Variants in ARHGAP26 observed in about 807,000 individuals in gnomAD.
ARHGAP26 encodes Rho GTPase activating protein 26.
A neutral mutation model predicts 104.8 loss-of-function variants in ARHGAP26; 38 were observed. That is an observed-to-expected ratio of 0.36 (90% CI 0.28 to 0.48). The LOEUF (loss-of-function observed/expected upper bound fraction) is 0.48. Ranked by LOEUF, ARHGAP26 falls within the 20% of genes least tolerant of loss-of-function variation. ARHGAP26 has a pLI of 0.99. For synonymous variants in ARHGAP26, 341 were observed against 340.0 expected, an observed-to-expected ratio of 1.00 and a Z score of -0.03; for missense variants, 704 against 947.9, an observed-to-expected ratio of 0.74 and a Z score of 3.38.
intron 1 of ARHGAP26, among the ~76,000 whole-genome samples, chr5:142,847,137 A>G (rs576978274): frequency 6.6e-6 from 1 of 152,272 alleles, no homozygotes; most frequent in South Asian, 2.1e-4. Context: ...TGAAACGGGG[A>G]TAACAGTGCC....
Position 142,963,188 on chromosome 5 carries a change from A to ATATG in ARHGAP26, c.1107+31066_1107+31067insGTAT, listed in dbSNP as rs1554172220. Among the ~76,000 whole-genome samples, 49 of 109,786 alleles carry ATATG rather than the reference A, an allele frequency of 4.5e-4. 2 individuals are homozygous for ATATG. Among genetic ancestry groups the ATATG allele is most frequent in the African/African-American group, 2.4e-3 (46 of 19,546 alleles). 72.0% of individuals were successfully genotyped at this position (109,786 alleles called of 152,430 possible). A position where few individuals can be genotyped will look rare whatever the true frequency, so the allele number is the denominator to read the frequency against. On this transcript the variant is annotated intron_variant, in intron 11 of 22. Coordinates refer to ENST00000645722, the MANE Select transcript of ARHGAP26 (RefSeq NM_001135608.3). ...GGTATATATGTATATATATATATATATATATATATATGTGTGTGTGTGTGT... is the reference window on the plus strand; with the variant it reads ...GGTATATATGTATATATATATATATATATGTATATATATATGTGTGTGTGTGTGT...
At chr5:143,218,477 T>TGGGGACA (rs1810670694) in intron 22 of ARHGAP26, among the ~76,000 whole-genome samples, 1 of 152,230 alleles carries the variant, frequency 6.6e-6, no homozygotes. Context: ...GCACCTCTTT[T>TGGGGACA]AGTTAAGACT....
chr5:143,197,268 T>C (rs72800001), intron 20 of ARHGAP26, among the ~76,000 whole-genome samples: 18,460 of 152,240 alleles, frequency 0.12, 1,410 homozygotes, highest in Non-Finnish European at 0.16. Flanking sequence ...GAATGGTATC[T>C]TCACCTTTGC....
intron 11 of ARHGAP26, among the ~76,000 whole-genome samples, chr5:142,994,746 T>G (rs1471252492): frequency 6.6e-6 from 1 of 152,238 alleles, no homozygotes; most frequent in Non-Finnish European, 1.5e-5. Flanking sequence ...TATTGGCTGC[T>G]GTTTACTGAG....
chr5:143,058,171 G>A (rs1786138616), intron 17 of ARHGAP26: 1 of 424,662 alleles, frequency 2.4e-6, no homozygotes, highest in African/African-American at 2.0e-5. Context: ...AGCTGACTCT[G>A]TTATTAACCT....
chr5:143,218,567 A>G (rs1304871681), intron 22 of ARHGAP26, among the ~76,000 whole-genome samples: 1 of 152,212 alleles, frequency 6.6e-6, no homozygotes, highest in Non-Finnish European at 1.5e-5. Flanking sequence ...AGGGCAGAAG[A>G]CATGAGTTGT....
intron 1 of ARHGAP26, among the ~76,000 whole-genome samples, chr5:142,872,205 A>G (rs1755420303): frequency 6.6e-6 from 1 of 152,072 alleles, no homozygotes; most frequent in Admixed American, 6.5e-5. Flanking sequence ...ACAAACCAAA[A>G]CAAACAGAAA....
intron 14 of ARHGAP26, among the ~76,000 whole-genome samples, chr5:143,051,966 A>G (rs1785103156): frequency 6.6e-6 from 1 of 152,200 alleles, no homozygotes; most frequent in Admixed American, 6.5e-5. Flanking sequence ...CACGTGTCTT[A>G]GGATGGGGAG....
At chr5:142,864,118 C>G (rs1414789691) in intron 1 of ARHGAP26, among the ~76,000 whole-genome samples, 2 of 152,112 alleles carry the variant, frequency 1.3e-5, no homozygotes, top group African/African-American at 4.8e-5. Flanking sequence ...ATTCACCACC[C>G]CCTCCCCTTT....
chr5:142,898,123 A>G (rs1232994135), intron 6 of ARHGAP26, among the ~76,000 whole-genome samples: 1 of 152,066 alleles, frequency 6.6e-6, no homozygotes, highest in Non-Finnish European at 1.5e-5. Context: ...TCTGGGATCT[A>G]AATCAGATCT....
intron 5 of ARHGAP26, among the ~76,000 whole-genome samples, chr5:142,889,489 G>A (rs558878487): frequency 5.9e-5 from 9 of 152,066 alleles, no homozygotes; most frequent in Admixed American, 1.3e-4. Flanking sequence ...GTGGTGGCAC[G>A]CGCCTGTAAT....
intron 20 of ARHGAP26, among the ~76,000 whole-genome samples, chr5:143,152,343 T>A (rs957889305): frequency 3.3e-5 from 5 of 152,186 alleles, no homozygotes; most frequent in African/African-American, 1.2e-4. Flanking sequence ...AGGGTATGTG[T>A]AAAACTTTCA....
intron 17 of ARHGAP26, among the ~76,000 whole-genome samples, chr5:143,107,059 A>G (rs554733038): frequency 6.6e-6 from 1 of 152,060 alleles, no homozygotes; most frequent in African/African-American, 2.4e-5. Context: ...TCTGTGTGTT[A>G]TTTGCCGTCG....
chr5:143,027,227 A>G (rs1781184885), intron 12 of ARHGAP26, among the ~76,000 whole-genome samples: 1 of 150,874 alleles, frequency 6.6e-6, no homozygotes, highest in Non-Finnish European at 1.5e-5. Context: ...GCTAGAATGC[A>G]GTGGTACAAT....
chr5:143,190,727 C>G lies in ARHGAP26; in HGVS notation c.1989-16471C>G, dbSNP rs182607866. Among the ~76,000 whole-genome samples the G allele has an allele frequency of 4.6e-3, 702 of 152,250 alleles. 5 individuals carry two copies. Among genetic ancestry groups the G allele is most frequent in the African/African-American group, 0.016 (669 of 41,548 alleles). On this transcript the variant is annotated intron_variant, in intron 20 of 22. Transcript: ENST00000645722. ...AGACACCACTGAAAAAATGAGAGGACAAGCCACACACTGGGAAAATATATT... is the reference window on the plus strand; with the variant it reads ...AGACACCACTGAAAAAATGAGAGGAGAAGCCACACACTGGGAAAATATATT...
intron 1 of ARHGAP26, among the ~76,000 whole-genome samples, chr5:142,814,812 C>A (rs1764776686): frequency 6.6e-6 from 1 of 152,160 alleles, no homozygotes; most frequent in African/African-American, 2.4e-5. Context: ...TTGGTACTTA[C>A]CACACTGGTT....
At chr5:143,110,183 C>G (rs184231997) in intron 17 of ARHGAP26, among the ~76,000 whole-genome samples, 9 of 152,356 alleles carry the variant, frequency 5.9e-5, no homozygotes, top group Admixed American at 5.9e-4. Flanking sequence ...CCATCCCTTT[C>G]ATGCTGGCTG....
At chr5:143,026,934 G>T (rs1183767097) in intron 12 of ARHGAP26, among the ~76,000 whole-genome samples, 1 of 152,054 alleles carries the variant, frequency 6.6e-6, no homozygotes, top group Non-Finnish European at 1.5e-5. Flanking sequence ...TTCTGGATAC[G>T]GTTTTAAGTT....
At chr5:142,866,247 A>G (rs559056594) in intron 1 of ARHGAP26, among the ~76,000 whole-genome samples, 8 of 152,314 alleles carry the variant, frequency 5.3e-5, no homozygotes, top group African/African-American at 1.7e-4. Context: ...CTTTGAATAC[A>G]TTGATACCAG....
Sources: gnomAD v4.1 joint callset for allele counts (sites outside exome capture counted in the v4.1 genomes callset) on GRCh38, gnomAD v4.1.1 for gene constraint, MANE v1.5 for transcripts, NCBI Gene and HGNC (gene_info 2026-07-23, HGNC 2026-07-21) for gene names.